The following ZNF429 variants were observed in gnomAD, a reference collection of about 807,000 sequenced individuals.
The protein encoded by ZNF429 is zinc finger protein 429.
In ZNF429, 53 loss-of-function variants were observed where a neutral mutation model predicts 56.8. The observed-to-expected ratio is 0.93, with a 90% CI of 0.75 to 1.17. ZNF429 has a LOEUF of 1.17. ZNF429 is among the 50% of genes most tolerant of loss of function. The pLI, the probability that ZNF429 is intolerant of heterozygous loss-of-function variation, is 0.00. For synonymous variants in ZNF429, 278 were observed against 264.7 expected, an observed-to-expected ratio of 1.05 and a Z score of -0.49; for missense variants, 849 against 788.4, an observed-to-expected ratio of 1.08 and a Z score of -0.92.
At position 21,536,943 on chromosome 19, in the gene ZNF429, C is replaced by T. The variant is rs1482970175; in HGVS notation, c.890C>T (p.Ser297Phe). Reference protein sequence around the residue: ...CDECGKTFSISSTFTKHKIIH... With the variant: ...CDECGKTFSIFSTFTKHKIIH... Reference sequence around the variant, plus strand: ...GAATGTGGCAAAACCTTTAGCATATCCTCAACCTTTACTAAACATAAGATA... The same window carrying T: ...GAATGTGGCAAAACCTTTAGCATATTCTCAACCTTTACTAAACATAAGATA... The change falls in exon 4 of 4, where the codon TCC becomes TTC. Residue 297 changes from serine (S) to phenylalanine (F), a missense_variant. Coordinates refer to ENST00000358491, the MANE Select transcript of ZNF429 (RefSeq NM_001001415.4). 1 of 1,611,786 alleles carries T rather than the reference C, an allele frequency of 6.2e-7. No individual in the cohort carries two copies. The highest frequency in any genetic ancestry group is 1.1e-5 in the South Asian group (1 of 90,700).
intron 1 of ZNF429, among the ~76,000 whole-genome samples, chr19:21,510,889 G>A (rs796457671): frequency 8.6e-5 from 13 of 152,038 alleles, no homozygotes; most frequent in South Asian, 2.1e-4. Flanking sequence ...GAGAGCACAG[G>A]GTTGGGGGTA....
At chr19:21,523,650 CCT>C (rs1318780518) in intron 1 of ZNF429, among the ~76,000 whole-genome samples, 1 of 152,212 alleles carries the variant, frequency 6.6e-6, no homozygotes, top group Non-Finnish European at 1.5e-5. Flanking sequence ...ACACTCTGTC[CCT>C]CTCTCTTTGC....
intron 1 of ZNF429, chr19:21,521,458 A>T (rs1313489408): frequency 6.6e-6 from 1 of 152,222 alleles, no homozygotes; most frequent in Admixed American, 6.5e-5. Context: ...TTCTACTGAG[A>T]ATATGCCCTT....
At position 21,538,913 on chromosome 19, in the gene ZNF429, G is replaced by C. The variant is rs1227535166; in HGVS notation, c.*835G>C. On this transcript the variant is annotated 3_prime_UTR_variant, in exon 4 of 4. Transcript: ENST00000358491. ...GGAAAAACATTACAAATGTAAAGAG[G>C]GTTATAGTGCATTTACTTGTATCAC... 1.3e-5 allele frequency among the ~76,000 whole-genome samples: 2 copies of C among 151,980 alleles called. No homozygotes were observed. The highest frequency in any genetic ancestry group is 2.4e-5 in the African/African-American group (1 of 41,396).
At chr19:21,535,332 T>TCTTTCTTTCTTTCTTTCTTTCTTTCTC in intron 3 of ZNF429, among the ~76,000 whole-genome samples, 2 of 93,580 alleles carry the variant, frequency 2.1e-5, no homozygotes, top group African/African-American at 8.3e-5. Flanking sequence ...TCTTTCTCTT[T>TCTTTCTTTCTTTCTTTCTTTCTTTCTC]TCTTTTCTTT....
chr19:21,536,500 A>G lies in ZNF429; in HGVS notation c.447A>G (p.Ile149Met). ...AGAGCAAAATGTATCACTGTGATAT[A>G]TATGTAAAAGTCTTTTATGCATTTT... Reference protein sequence around the residue: ...LTQSKMYHCDIYVKVFYAFSN... With the variant: ...LTQSKMYHCDMYVKVFYAFSN... Residue 149 changes from isoleucine to methionine, a missense_variant, in exon 4 of 4, where the codon ATA becomes ATG. Transcript: ENST00000358491. 2 of 1,613,056 alleles carry G rather than the reference A, an allele frequency of 1.2e-6. No homozygotes were observed. Among genetic ancestry groups the G allele is most frequent in the Non-Finnish European group, 1.7e-6 (2 of 1,179,558 alleles).
At chr19:21,529,519 G>T (rs941904180) in intron 1 of ZNF429, 139 bp from the exon 2 acceptor site, 4 of 1,177,386 alleles carry the variant, frequency 3.4e-6, no homozygotes, top group African/African-American at 1.6e-5. Flanking sequence ...AATAATTTCA[G>T]TCACTTGTAT....
In ZNF429 at chr19:21,505,637, G is replaced by C. The variant is rs1284200796; in HGVS notation, c.-135G>C. The C allele has an allele frequency of 1.1e-6, 1 of 884,636 alleles. No homozygotes were observed. Among genetic ancestry groups the C allele is most frequent in the African/African-American group, 1.7e-5 (1 of 57,784 alleles). 54.8% of individuals were successfully genotyped at this position (884,636 alleles called of 1,614,324 possible). A position where few individuals can be genotyped will look rare whatever the true frequency, so the allele number is the denominator to read the frequency against. The stretch of plus-strand genomic sequence containing the variant: ...GAATATGGCGGGGCGTTTGGCTCTT[G>C]CTGCAGCCAGAGCTCCAGGTCTCGT... On this transcript the variant is annotated 5_prime_UTR_variant, in exon 1 of 4. Coordinates refer to ENST00000358491, the MANE Select transcript of ZNF429 (RefSeq NM_001001415.4).
chr19:21,534,868 G>A, intron 3 of ZNF429, among the ~76,000 whole-genome samples: 1 of 150,130 alleles, frequency 6.7e-6, no homozygotes, highest in Non-Finnish European at 1.5e-5. Flanking sequence ...GGAGTGCAGT[G>A]GCGTGATCTC....
chr19:21,527,703 C>CTT (rs766249659), intron 1 of ZNF429, among the ~76,000 whole-genome samples: 1 of 151,992 alleles, frequency 6.6e-6, no homozygotes, highest in East Asian at 1.9e-4. Flanking sequence ...AATGGGTGGA[C>CTT]TTTTTTTGCA....
intron 1 of ZNF429, among the ~76,000 whole-genome samples, chr19:21,523,002 A>C (rs954390050): frequency 6.6e-6 from 1 of 152,180 alleles, no homozygotes; most frequent in African/African-American, 2.4e-5. Flanking sequence ...AGATTTGTAC[A>C]AATGTTACAG....
chr19:21,528,974 C>T (rs1007757935), intron 1 of ZNF429: 2 of 152,042 alleles, frequency 1.3e-5, no homozygotes, highest in African/African-American at 2.4e-5. Flanking sequence ...TATTAACTAT[C>T]TTTATGCAGC....
At chr19:21,513,894 A>G (rs1320313501) in intron 1 of ZNF429, among the ~76,000 whole-genome samples, 1 of 152,194 alleles carries the variant, frequency 6.6e-6, no homozygotes, top group Non-Finnish European at 1.5e-5. Flanking sequence ...CATCCCTCCC[A>G]GAATGAAGCA....
chr19:21,505,972 C>CT (rs1345766604), intron 1 of ZNF429, 198 bp downstream of exon 1: 1 of 505,798 alleles, frequency 2.0e-6, no homozygotes, highest in African/African-American at 2.0e-5. Context: ...GGCGTCCTGT[C>CT]TTCCCTCCGC....
intron 1 of ZNF429, among the ~76,000 whole-genome samples, chr19:21,511,945 T>C (rs533987696): frequency 6.9e-4 from 105 of 151,970 alleles, no homozygotes; most frequent in African/African-American, 2.4e-3. Flanking sequence ...GGCGTGGCGG[T>C]GCGCGCCTGG....
At position 21,538,634 on chromosome 19, in the gene ZNF429, A is replaced by T. The variant is rs921860341; in HGVS notation, c.*556A>T. ...TAAATAAATAAAAGAAAGAAAATTC[A>T]TAGTAGAGAGAAACCTTACAAATGT... On this transcript the variant is annotated 3_prime_UTR_variant, in exon 4 of 4. Transcript: ENST00000358491. The T allele has an allele frequency of 6.6e-6, 1 of 152,298 alleles. No individual in the cohort carries two copies. The highest frequency in any genetic ancestry group is 1.5e-5 in the Non-Finnish European group (1 of 68,112). 9.4% of individuals were successfully genotyped at this position (152,298 alleles called of 1,614,324 possible). A position where few individuals can be genotyped will look rare whatever the true frequency, so the allele number is the denominator to read the frequency against.
At position 21,540,101 on chromosome 19, in the gene ZNF429, G is replaced by A. The variant is rs937310771; in HGVS notation, c.*2023G>A. 1.3e-5 allele frequency among the ~76,000 whole-genome samples: 2 copies of A among 152,036 alleles called. No homozygotes were observed. The highest frequency in any genetic ancestry group is 6.6e-5 in the Admixed American group (1 of 15,250). On this transcript the variant is annotated 3_prime_UTR_variant, in exon 4 of 4. Transcript: ENST00000358491. ...AATTGTAAATCATTTTAGTGATTGA[G>A]CTTTTATGTTATAAAATGCAGTATA...
rs755217521 is a variant in ZNF429, at chr19:21,529,765, C to T, written c.111C>T (p.Tyr37=). ...NLYRNVMLEN[Y]RNLVFLGIAV... The stretch of plus-strand genomic sequence containing the variant: ...ATAGAAATGTGATGTTAGAGAACTA[C>T]AGAAACTTGGTCTTCCTGGGTGAGA... The change falls in exon 2 of 4, where the codon TAC becomes TAT. Residue 37 remains tyrosine, a synonymous_variant. Coordinates refer to ENST00000358491, the MANE Select transcript of ZNF429 (RefSeq NM_001001415.4). The T allele has an allele frequency of 1.3e-6, 2 of 1,587,342 alleles. No individual in the cohort carries two copies. Among genetic ancestry groups the T allele is most frequent in the Admixed American group, 1.8e-5 (1 of 56,704 alleles).
intron 1 of ZNF429, among the ~76,000 whole-genome samples, chr19:21,526,355 A>AAGTCCCCAG (rs1268750369): frequency 6.6e-6 from 1 of 151,824 alleles, no homozygotes; most frequent in Non-Finnish European, 1.5e-5. Flanking sequence ...AAAGTCCCCA[A>AAGTCCCCAG]AGTCCATTGT....
Sources: gnomAD v4.1 joint callset for allele counts (sites outside exome capture counted in the v4.1 genomes callset) on GRCh38, gnomAD v4.1.1 for gene constraint, MANE v1.5 for transcripts, NCBI Gene and HGNC (gene_info 2026-07-23, HGNC 2026-07-21) for gene names.